The following FAM118A variants were observed in gnomAD, a reference collection of about 807,000 sequenced individuals.
FAM118A encodes protein FAM118A.
Under a neutral mutation model 38.2 loss-of-function variants are expected in FAM118A, and 25 were observed. The observed-to-expected ratio is 0.65, with a 90% CI of 0.48 to 0.91. The LOEUF (loss-of-function observed/expected upper bound fraction) is 0.91. Among genes scored for constraint, FAM118A ranks in the 40% least tolerant of loss-of-function variants. FAM118A has a pLI of 0.00. For synonymous variants in FAM118A, 178 were observed against 184.1 expected, an observed-to-expected ratio of 0.97 and a Z score of 0.27; for missense variants, 425 against 463.3, an observed-to-expected ratio of 0.92 and a Z score of 0.76.
chr22:45,310,491 G>T (rs901378257), intron 1 of FAM118A, among the ~76,000 whole-genome samples: 4 of 152,076 alleles, frequency 2.6e-5, no homozygotes, highest in African/African-American at 9.7e-5. Flanking sequence ...CTCCTCAGAA[G>T]CCCCCAGGCC....
intron 3 of FAM118A, among the ~76,000 whole-genome samples, chr22:45,327,497 G>T (rs1037595267): frequency 6.6e-6 from 1 of 152,132 alleles, no homozygotes; most frequent in Admixed American, 6.5e-5. Flanking sequence ...TGTGGCCCTT[G>T]CTCTTCCCTC....
In FAM118A at chr22:45,341,346, C is replaced by T. The variant is rs1170534118; in HGVS notation, c.*941C>T. On this transcript the variant is annotated 3_prime_UTR_variant, in exon 9 of 9. Transcript: ENST00000441876. Reference sequence around the variant, plus strand: ...AATCGGAGGAGCCAGAGGCCCTTTTCAGTCCAGGCCAACATTGTGCACGGC... The same window carrying T: ...AATCGGAGGAGCCAGAGGCCCTTTTTAGTCCAGGCCAACATTGTGCACGGC... The T allele has an allele frequency of 1.3e-5, 2 of 152,202 alleles. No individual in the cohort carries two copies. The highest frequency in any genetic ancestry group is 2.9e-5 in the Non-Finnish European group (2 of 68,046). The allele number at this position is 152,202 out of a possible 1,614,324, so 9.4% of individuals were successfully genotyped here. A position where few individuals can be genotyped will look rare whatever the true frequency, so the allele number is the denominator to read the frequency against.
At chr22:45,321,957 T>A in intron 1 of FAM118A, 1 of 311,070 alleles carries the variant, frequency 3.2e-6, no homozygotes, top group Non-Finnish European at 6.2e-6. Flanking sequence ...CAAAACCGCC[T>A]CTGGCTTCGC....
intron 1 of FAM118A, among the ~76,000 whole-genome samples, chr22:45,311,522 A>G (rs2084365106): frequency 6.6e-6 from 1 of 152,184 alleles, no homozygotes; most frequent in Admixed American, 6.5e-5. Context: ...GGACTTTTGC[A>G]GAGTACTGGG....
upstream of FAM118A, chr22:45,309,855 G>A (rs1245580276): frequency 6.6e-6 from 1 of 152,260 alleles, no homozygotes. Flanking sequence ...CCCGGGGCGG[G>A]GCCTCCGGGG....
At chr22:45,335,598 G>A (rs968500954) in intron 7 of FAM118A, among the ~76,000 whole-genome samples, 1 of 152,070 alleles carries the variant, frequency 6.6e-6, no homozygotes, top group East Asian at 1.9e-4. Context: ...AAGCACAGCC[G>A]AATCACACGT....
intron 1 of FAM118A, among the ~76,000 whole-genome samples, chr22:45,316,176 A>T (rs189710386): frequency 6.6e-6 from 1 of 152,102 alleles, no homozygotes; most frequent in Non-Finnish European, 1.5e-5. Context: ...AGTAGCTGGG[A>T]TTACAGGTGC....
Position 45,328,002 on chromosome 22 carries a change from A to T in FAM118A, c.461A>T (p.Glu154Val), listed in dbSNP as rs147018636. 3.3e-5 allele frequency: 53 copies of T among 1,612,246 alleles called. No homozygotes were observed. The highest frequency in any genetic ancestry group is 4.4e-5 in the Non-Finnish European group (52 of 1,179,362). The part of the protein sequence containing the change: ...VLTTNYDNLL[E>V]AFGRRQNKPM... ...ACCACCAACTATGACAACCTGCTGG[A>T]GGCCTTTGGCCGGCGGCAGAACAAG... Residue 154 changes from glutamate (E) to valine (V), a missense_variant, in exon 4 of 9, where the codon GAG (glutamate) becomes GTG (valine). Physicochemically the swap from Glu to Val is moderately radical, Grantham distance 121 (BLOSUM62 -2). Coordinates refer to ENST00000441876, the MANE Select transcript of FAM118A (RefSeq NM_017911.4).
intron 7 of FAM118A, 84 bp downstream of exon 7, chr22:45,335,466 GT>G (rs1037209313): frequency 1.7e-5 from 26 of 1,511,938 alleles, no homozygotes; most frequent in Admixed American, 8.7e-5. Flanking sequence ...AATCATAAAC[GT>G]TTGTTTTTCA....
chr22:45,325,092 G>A (rs1304546567), intron 3 of FAM118A, among the ~76,000 whole-genome samples: 2 of 152,158 alleles, frequency 1.3e-5, no homozygotes, highest in Admixed American at 6.5e-5. Flanking sequence ...TTGCTCACCC[G>A]TCATAGGAAG....
rs1180632116 is a variant in FAM118A, at chr22:45,309,960, G to T, written c.-233G>T. 1 of 152,292 alleles carries T rather than the reference G, an allele frequency of 6.6e-6. No individual in the cohort carries two copies. The highest frequency in any genetic ancestry group is 1.5e-5 in the Non-Finnish European group (1 of 68,140). The allele number at this position is 152,292 out of a possible 1,614,324, so 9.4% of individuals were successfully genotyped here. ...CGGCGGCGCCGCTGCCGGCTAACGCGGAGGGGCGCCTGGAGGCGGCGTGGC... is the reference window on the plus strand; with the variant it reads ...CGGCGGCGCCGCTGCCGGCTAACGCTGAGGGGCGCCTGGAGGCGGCGTGGC... On this transcript the variant is annotated 5_prime_UTR_variant, in exon 1 of 9. Coordinates refer to ENST00000441876, the MANE Select transcript of FAM118A (RefSeq NM_017911.4).
chr22:45,318,564 G>C (rs1282826165), intron 1 of FAM118A: 1 of 152,182 alleles, frequency 6.6e-6, no homozygotes, highest in Non-Finnish European at 1.5e-5. Context: ...TAAAAACAAG[G>C]GGGAGATTTA....
chr22:45,317,711 T>C (rs898592572), intron 1 of FAM118A, among the ~76,000 whole-genome samples: 5 of 152,226 alleles, frequency 3.3e-5, no homozygotes, highest in African/African-American at 7.2e-5. Context: ...CAGGTTCTTA[T>C]GCCAGGCTCG....
At chr22:45,323,740 G>T (rs567716977) in intron 3 of FAM118A, among the ~76,000 whole-genome samples, 1 of 152,338 alleles carries the variant, frequency 6.6e-6, no homozygotes, top group African/African-American at 2.4e-5. Context: ...TTAGTGAAGG[G>T]ATATCCCTTA....
At position 45,327,883 on chromosome 22, in the gene FAM118A, G is replaced by A. The variant is rs764063097; in HGVS notation, c.342G>A (p.Leu114=). 1 of 1,614,254 alleles carries A rather than the reference G, an allele frequency of 6.2e-7. No homozygotes were observed. The highest frequency in any genetic ancestry group is 8.5e-7 in the Non-Finnish European group (1 of 1,180,042). The change falls in exon 4 of 9, where the codon CTG becomes CTA. Residue 114 remains leucine, a synonymous_variant. Coordinates refer to ENST00000441876, the MANE Select transcript of FAM118A (RefSeq NM_017911.4). ...AGCCCAGCTTCTTCCAGGACTGCCTGATGGAGGTGTTTGACGACCTGGAGC... is the reference window on the plus strand; with the variant it reads ...AGCCCAGCTTCTTCCAGGACTGCCTAATGGAGGTGTTTGACGACCTGGAGC... ...DAKPSFFQDC[L]MEVFDDLEQH... is the part of the protein sequence containing the mutation.
chr22:45,315,932 C>A (rs1288736261), intron 1 of FAM118A, among the ~76,000 whole-genome samples: 1 of 152,190 alleles, frequency 6.6e-6, no homozygotes, highest in East Asian at 1.9e-4. Context: ...GTTCAGGTGA[C>A]CCTAGTCATG....
At chr22:45,313,974 C>G (rs2084491520) in intron 1 of FAM118A, among the ~76,000 whole-genome samples, 1 of 152,146 alleles carries the variant, frequency 6.6e-6, no homozygotes, top group Non-Finnish European at 1.5e-5. Context: ...TTTAATGCTT[C>G]CAGCAACCTT....
chr22:45,332,115 G>A (rs1052472869), intron 5 of FAM118A, among the ~76,000 whole-genome samples: 4 of 152,220 alleles, frequency 2.6e-5, no homozygotes, highest in South Asian at 4.1e-4. Context: ...TGGGGTGGGC[G>A]ATGGGCTGGC....
intron 8 of FAM118A, 87 bp downstream of exon 8, chr22:45,336,498 C>T (rs2086106896): frequency 9.9e-7 from 1 of 1,012,162 alleles, no homozygotes; most frequent in Non-Finnish European, 1.5e-6. Flanking sequence ...GCTTTAATGC[C>T]CCGCGCCCTA....
Sources: allele counts gnomAD v4.1 joint callset (sites outside exome capture counted in the v4.1 genomes callset), GRCh38; gene constraint gnomAD v4.1.1; transcripts MANE v1.5; gene names NCBI Gene and HGNC (gene_info 2026-07-23, HGNC 2026-07-21).